CFAP299: variants seen among roughly 807,000 people sequenced by gnomAD.
CFAP299 encodes the protein cilia and flagella associated protein 299, also known as cilia- and flagella-associated protein 299.
A neutral mutation model predicts 27.0 loss-of-function variants in CFAP299; 21 were observed. The observed-to-expected ratio is 0.78, with a 90% CI of 0.55 to 1.12. The LOEUF is 1.12. Among genes scored for constraint, CFAP299 ranks in the 50% most tolerant of loss-of-function variants. The probability of loss-of-function intolerance (pLI) is 0.00; values close to 1 mark genes in which losing one functional copy is unlikely to be tolerated. For synonymous variants in CFAP299, 104 were observed against 98.1 expected, an observed-to-expected ratio of 1.06 and a Z score of -0.36; for missense variants, 310 against 276.6, an observed-to-expected ratio of 1.12 and a Z score of -0.86.
chr4:80,594,745 T>C (rs1736972250), intron 3 of CFAP299, among the ~76,000 whole-genome samples: 1 of 152,186 alleles, frequency 6.6e-6, no homozygotes, highest in Non-Finnish European at 1.5e-5. Context: ...CCAGGATGAA[T>C]TTTTCTTTCT....
rs1725024042 is a variant in CFAP299 at position 80,386,668 on chromosome 4, G to A, written c.242+23784G>A. 4 of 1,587,028 alleles carry A rather than the reference G, an allele frequency of 2.5e-6. No individual in the cohort carries two copies. The South Asian group carries it at 3.3e-5, about 13-fold the overall frequency. On this transcript the variant is annotated intron_variant, in intron 2 of 5. Transcript: ENST00000358105. ...CCGTGTGGGCGCGCAGGTGCTCGGC[G>A]AGGTGGGCACGGCGGCTGAAGGACC...
At chr4:80,498,692 T>C (rs532946891) in intron 2 of CFAP299, among the ~76,000 whole-genome samples, 10 of 152,274 alleles carry the variant, frequency 6.6e-5, no homozygotes, top group Middle Eastern at 3.4e-3. Flanking sequence ...TGGAGATTCC[T>C]TGGAAAACTT....
intron 3 of CFAP299, among the ~76,000 whole-genome samples, chr4:80,802,965 A>C (rs779447008): frequency 6.6e-6 from 1 of 152,100 alleles, no homozygotes; most frequent in Non-Finnish European, 1.5e-5. Flanking sequence ...GCTCATATAA[A>C]TGACGTACTT....
rs2867769 is a variant in CFAP299, at chr4:80,386,523, G to C, written c.242+23639G>C. 4.3e-4 allele frequency: 671 copies of C among 1,574,186 alleles called. 1 individual carries two copies. The African/African-American group carries it at 7.1e-3, about 17-fold the overall frequency. ...CTCGCGGGCGGTGGTGGGGGGGGGG[G>C]GTGCCGCCGGGTTTGCAGGTCCTTT... On this transcript the variant is annotated intron_variant, in intron 2 of 5. Coordinates refer to ENST00000358105, the MANE Select transcript of CFAP299 (RefSeq NM_152770.3).
intron 4 of CFAP299, among the ~76,000 whole-genome samples, chr4:80,939,421 G>A (rs184780788): frequency 1.4e-3 from 213 of 152,018 alleles, no homozygotes; most frequent in Admixed American, 4.2e-3. Flanking sequence ...CTTTGAGTTT[G>A]CTGATTCTTT....
At chr4:80,774,718 A>C (rs1249771661) in intron 3 of CFAP299, among the ~76,000 whole-genome samples, 1 of 152,096 alleles carries the variant, frequency 6.6e-6, no homozygotes, top group Non-Finnish European at 1.5e-5. Flanking sequence ...ATGTGAAATC[A>C]GCATTCACAT....
intron 2 of CFAP299, among the ~76,000 whole-genome samples, chr4:80,428,346 A>T (rs1457691742): frequency 6.6e-6 from 1 of 152,230 alleles, no homozygotes; most frequent in Admixed American, 6.5e-5. Flanking sequence ...AATTGGAAAC[A>T]GGCAGGGAGT....
intron 3 of CFAP299, among the ~76,000 whole-genome samples, chr4:80,788,957 T>A (rs1320291114): frequency 6.6e-6 from 1 of 152,104 alleles, no homozygotes; most frequent in Non-Finnish European, 1.5e-5. Flanking sequence ...AACATAAACA[T>A]CTAATACTTT....
chr4:80,926,039 G>A (rs1282611688), intron 4 of CFAP299, among the ~76,000 whole-genome samples: 1 of 152,064 alleles, frequency 6.6e-6, no homozygotes, highest in Non-Finnish European at 1.5e-5. Flanking sequence ...CCCATGGGAA[G>A]TATTGCATGA....
intron 2 of CFAP299, among the ~76,000 whole-genome samples, chr4:80,568,608 A>G (rs1288053263): frequency 2.6e-5 from 4 of 152,110 alleles, no homozygotes; most frequent in Non-Finnish European, 5.9e-5. Flanking sequence ...TATGTTATAT[A>G]TTATAGTAAC....
chr4:80,626,873 CTGGGACA>C (rs142633070), intron 3 of CFAP299, among the ~76,000 whole-genome samples: 3,869 of 151,850 alleles, frequency 0.025, 143 homozygotes, highest in African/African-American at 0.087. Context: ...AAAGAAGAGT[CTGGGACA>C]TGGTGACATC....
chr4:80,447,119 G>GTTTTTTTTTTTTGT (rs71641487), intron 2 of CFAP299, among the ~76,000 whole-genome samples: 7 of 65,502 alleles, frequency 1.1e-4, no homozygotes, highest in East Asian at 1.1e-3. Flanking sequence ...CTTTTTATTT[G>GTTTTTTTTTTTTGT]TTTTTTTTTT....
intron 4 of CFAP299, among the ~76,000 whole-genome samples, chr4:80,942,473 AATT>A (rs1737249937): frequency 6.6e-6 from 1 of 152,144 alleles, no homozygotes; most frequent in African/African-American, 2.4e-5. Flanking sequence ...ATTACTAGAT[AATT>A]ATTATTTATT....
chr4:80,657,352 T>C (rs1740607813), intron 3 of CFAP299, among the ~76,000 whole-genome samples: 1 of 152,224 alleles, frequency 6.6e-6, no homozygotes, highest in South Asian at 2.1e-4. Flanking sequence ...AGGGTTTTTA[T>C]GGTTTTAGGT....
At chr4:80,432,868 A>G (rs1470907916) in intron 2 of CFAP299, among the ~76,000 whole-genome samples, 1 of 152,108 alleles carries the variant, frequency 6.6e-6, no homozygotes, top group Non-Finnish European at 1.5e-5. Context: ...ATAAAAATCT[A>G]GAGTTGGAGG....
intron 2 of CFAP299, among the ~76,000 whole-genome samples, chr4:80,431,396 C>T (rs1415061205): frequency 7.1e-6 from 1 of 140,112 alleles, no homozygotes; most frequent in Admixed American, 7.4e-5. Context: ...TCCTCCCTCT[C>T]TTCCTTTCTT....
Position 80,911,428 on chromosome 4 carries a change from C to T in CFAP299, c.477-33382C>T, listed in dbSNP as rs545658461. On this transcript the variant is annotated intron_variant, in intron 4 of 5. Transcript: ENST00000358105. ...GTAAATGTGTTTATTTTAAAAAGAA[C>T]GAGCATCAAAATCTTTTCTGCCTCA... Among the ~76,000 whole-genome samples the T allele has an allele frequency of 2.0e-4, 30 of 152,084 alleles. No individual in the cohort carries two copies. In the South Asian group the frequency reaches 2.5e-3, roughly 13 times the overall value.
intron 2 of CFAP299, among the ~76,000 whole-genome samples, chr4:80,553,433 C>G (rs1734625790): frequency 6.6e-6 from 1 of 152,150 alleles, no homozygotes; most frequent in African/African-American, 2.4e-5. Flanking sequence ...GATTCTGTGT[C>G]TTTGCTATTG....
intron 3 of CFAP299, among the ~76,000 whole-genome samples, chr4:80,615,274 G>C (rs1738215056): frequency 6.6e-6 from 1 of 152,034 alleles, no homozygotes; most frequent in Non-Finnish European, 1.5e-5. Context: ...GAAATCGCCG[G>C]CTATCTACTG....
Sources: allele counts gnomAD v4.1 joint callset (sites outside exome capture counted in the v4.1 genomes callset), GRCh38; gene constraint gnomAD v4.1.1; transcripts MANE v1.5; gene names NCBI Gene and HGNC (gene_info 2026-07-23, HGNC 2026-07-21).